The following NT5C1B variants were observed in gnomAD, a reference collection of about 807,000 sequenced individuals.
NT5C1B encodes the protein cytosolic 5'-nucleotidase 1B.
Under a neutral mutation model 57.8 loss-of-function variants are expected in NT5C1B, and 44 were observed. That is an observed-to-expected ratio of 0.76 (90% CI 0.60 to 0.98). The LOEUF is 0.98. NT5C1B is among the 50% of genes least tolerant of loss of function. The probability of loss-of-function intolerance (pLI) is 0.00; values close to 1 mark genes in which losing one functional copy is unlikely to be tolerated. For synonymous variants in NT5C1B, 284 were observed against 282.6 expected, an observed-to-expected ratio of 1.00 and a Z score of -0.05; for missense variants, 742 against 719.5, an observed-to-expected ratio of 1.03 and a Z score of -0.36.
chr2:18,585,043 C>T (rs770540231), intron 3 of NT5C1B, 65 bp from the exon 4 acceptor site: 20 of 1,587,322 alleles, frequency 1.3e-5, no homozygotes, highest in Non-Finnish European at 1.6e-5. Context: ...AAGGATCTGT[C>T]CCTTCTGCCT....
At chr2:18,574,985 GA>G (rs541542611) in intron 8 of NT5C1B, among the ~76,000 whole-genome samples, 1,605 of 151,640 alleles carry the variant, frequency 0.011, 23 homozygotes, top group African/African-American at 0.036. Flanking sequence ...CAATAAAGCT[GA>G]AAAAAAGAAC....
chr2:18,576,142 T>C, intron 8 of NT5C1B, 42 bp downstream of exon 8: 1 of 1,524,634 alleles, frequency 6.6e-7, no homozygotes, highest in African/African-American at 1.4e-5. Flanking sequence ...TATTAGAAAA[T>C]AAATAAGTAC....
chr2:18,585,668 CAT>C (rs1304130625), intron 3 of NT5C1B, among the ~76,000 whole-genome samples: 2 of 152,050 alleles, frequency 1.3e-5, no homozygotes, highest in African/African-American at 4.8e-5. Flanking sequence ...ATTAGGTATC[CAT>C]ATATGATTTC....
intron 8 of NT5C1B, among the ~76,000 whole-genome samples, chr2:18,573,942 G>C (rs1316208280): frequency 6.6e-6 from 1 of 152,020 alleles, no homozygotes; most frequent in Non-Finnish European, 1.5e-5. Flanking sequence ...TTTAATGGGA[G>C]AAAAAGGCAA....
At chr2:18,571,151 C>G (rs1665115707) in intron 8 of NT5C1B, among the ~76,000 whole-genome samples, 1 of 152,120 alleles carries the variant, frequency 6.6e-6, no homozygotes, top group Non-Finnish European at 1.5e-5. Context: ...CATCACTGTT[C>G]TGAACATTGT....
chr2:18,572,324 C>A (rs67623629), intron 8 of NT5C1B, among the ~76,000 whole-genome samples: 17,745 of 152,068 alleles, frequency 0.12, 1,305 homozygotes, highest in East Asian at 0.17. Context: ...AAGTAAGAAA[C>A]CTAAAACCAT....
chr2:18,587,425 A>G, intron 2 of NT5C1B, 78 bp downstream of exon 2: 1 of 1,579,162 alleles, frequency 6.3e-7, no homozygotes, highest in Non-Finnish European at 8.6e-7. Context: ...TCTCTCCCAG[A>G]ACTCCCTGCC....
chr2:18,587,411 G>A (rs1481087551), intron 2 of NT5C1B, 92 bp downstream of exon 2: 2 of 1,563,324 alleles, frequency 1.3e-6, no homozygotes, highest in Non-Finnish European at 1.7e-6. Context: ...CAACAGCTTG[G>A]TCTTCTCTCC....
chr2:18,583,162 T>C (rs1001638934), intron 5 of NT5C1B, among the ~76,000 whole-genome samples, 165 bp from the exon 6 acceptor site: 2 of 152,224 alleles, frequency 1.3e-5, no homozygotes, highest in East Asian at 3.9e-4. Context: ...TTCTGTATTA[T>C]CAACCTCTCA....
intron 3 of NT5C1B, 96 bp from the exon 4 acceptor site, chr2:18,585,074 A>C: frequency 6.6e-7 from 1 of 1,515,226 alleles, no homozygotes; most frequent in Non-Finnish European, 9.1e-7. Flanking sequence ...TAGACCTTTG[A>C]TGGGTGCTGG....
chr2:18,585,745 G>A (rs184278474), intron 3 of NT5C1B, among the ~76,000 whole-genome samples: 1 of 152,336 alleles, frequency 6.6e-6, no homozygotes, highest in Non-Finnish European at 1.5e-5. Flanking sequence ...AAATCCGATA[G>A]AGATGATGAA....
chr2:18,572,533 T>C (rs1665299399), intron 8 of NT5C1B, among the ~76,000 whole-genome samples: 1 of 152,164 alleles, frequency 6.6e-6, no homozygotes, highest in African/African-American at 2.4e-5. Flanking sequence ...AGAGAAGATA[T>C]TTGTAAAACA....
chr2:18,585,474 C>T (rs1003592656), intron 3 of NT5C1B, among the ~76,000 whole-genome samples: 1 of 152,174 alleles, frequency 6.6e-6, no homozygotes, highest in Non-Finnish European at 1.5e-5. Context: ...GCATGTCTCT[C>T]CCCGCTCCCC....
rs1666502689 is a variant in NT5C1B, at chr2:18,584,570, A to T, written c.667T>A (p.Trp223Arg). The T allele has an allele frequency of 6.2e-7, 1 of 1,612,840 alleles. No homozygotes were observed. Among genetic ancestry groups the T allele is most frequent in the Non-Finnish European group, 8.5e-7 (1 of 1,179,562 alleles). Residue 223 changes from tryptophan (W) to arginine (R), a missense_variant, in exon 4 of 9, where the codon TGG (tryptophan) becomes AGG (arginine). Coordinates refer to ENST00000304081, the Ensembl canonical transcript of NT5C1B. The surrounding 1 kb of genome is among the most constrained non-coding windows in gnomAD (Gnocchi z 5.8). ...TCGTAGAACGACCTCATGGATGCCCAGTAGGCAGCCTCGTAGTCGTCCTCG... is the reference window on the plus strand; with the variant it reads ...TCGTAGAACGACCTCATGGATGCCCTGTAGGCAGCCTCGTAGTCGTCCTCG...
At chr2:18,569,508 TA>T (rs1664959116) in intron 8 of NT5C1B, among the ~76,000 whole-genome samples, 1 of 151,850 alleles carries the variant, frequency 6.6e-6, no homozygotes, top group Non-Finnish European at 1.5e-5. Context: ...AAGTTAAATA[TA>T]AACACAATTT....
At chr2:18,572,148 A>G (rs1665263399) in intron 8 of NT5C1B, among the ~76,000 whole-genome samples, 1 of 152,012 alleles carries the variant, frequency 6.6e-6, no homozygotes, top group African/African-American at 2.4e-5. Context: ...TAATATTGAT[A>G]AAGGGATGAA....
rs140827083 is a variant in NT5C1B, at chr2:18,584,132, C to T, written c.847G>A (p.Glu283Lys). 4.2e-5 allele frequency: 68 copies of T among 1,614,152 alleles called. 1 individual carries two copies. The African/African-American group carries it at 8.5e-4, about 20-fold the overall frequency. ...GGGCCCGGGGTCAGGATGACGTTCT[C>T]ATTGGTGAGCTGATACTCCATGTAC... is the stretch of plus-strand genomic sequence containing the variant. Residue 283 changes from glutamate to lysine, a missense_variant, in exon 5 of 9, where the codon GAG (glutamate) becomes AAG (lysine). Transcript: ENST00000304081. This position sits in a 1 kb window ranked among gnomAD's most constrained non-coding sequence, Gnocchi z 5.8.
chr2:18,570,332 G>A (rs1457925054), intron 8 of NT5C1B, among the ~76,000 whole-genome samples: 1 of 151,696 alleles, frequency 6.6e-6, no homozygotes, highest in Non-Finnish European at 1.5e-5. Context: ...TTTACTTCTG[G>A]CCAAACTGAC....
exon 9 of NT5C1B, chr2:18,563,579 G>A: frequency 2.3e-6 from 1 of 440,770 alleles, no homozygotes. Context: ...AGAGATAGGT[G>A]TAATGGCATT....
Sources: allele counts gnomAD v4.1 joint callset (sites outside exome capture counted in the v4.1 genomes callset), GRCh38; gene constraint gnomAD v4.1.1; non-coding constraint Gnocchi (gnomAD v3.1); transcripts MANE v1.5; gene names NCBI Gene and HGNC (gene_info 2026-07-23, HGNC 2026-07-21).